GSDME: variants seen among roughly 807,000 people sequenced by gnomAD.
GSDME encodes the protein gasdermin E.
In GSDME, 44 loss-of-function variants were observed where a neutral mutation model predicts 47.5. The ratio of observed to expected loss-of-function variants is 0.93; its 90% CI spans 0.73 to 1.19. The LOEUF (loss-of-function observed/expected upper bound fraction) is 1.19, where lower values mean the gene tolerates loss of function less well. Among genes scored for constraint, GSDME ranks in the 50% most tolerant of loss-of-function variants. The pLI, the probability that GSDME is intolerant of heterozygous loss-of-function variation, is 0.00. For missense variants in GSDME, 663 were observed against 604.2 expected (o/e 1.10, Z -1.02); for synonymous variants, 258 against 252.8 (o/e 1.02, Z -0.20).
chr7:24,707,203 A>G (rs990341547), intron 7 of GSDME: 3 of 411,834 alleles, frequency 7.3e-6, no homozygotes, highest in African/African-American at 6.3e-5. Context: ...CTTCCCTGGA[A>G]ACCATAAAGC....
the GSDME span, among the ~76,000 whole-genome samples, chr7:24,777,759 G>T: frequency 6.6e-6 from 1 of 152,212 alleles, no homozygotes; most frequent in South Asian, 2.1e-4. Flanking sequence ...AGGCACAGTG[G>T]CACGCACCTG....
At chr7:24,707,433 A>G (rs1789157703) in intron 7 of GSDME, 1 of 471,542 alleles carries the variant, frequency 2.1e-6, no homozygotes, top group Non-Finnish European at 4.4e-6. Flanking sequence ...CTGCTGCAAA[A>G]CACAACAGTG....
the GSDME span, among the ~76,000 whole-genome samples, chr7:24,769,230 T>C: frequency 6.6e-6 from 1 of 152,286 alleles, no homozygotes; most frequent in Admixed American, 6.5e-5. Flanking sequence ...ACAGGAACCA[T>C]TGCTTGCATG....
the GSDME span, among the ~76,000 whole-genome samples, chr7:24,792,552 G>A: frequency 6.6e-6 from 1 of 152,202 alleles, no homozygotes; most frequent in Non-Finnish European, 1.5e-5. Flanking sequence ...AATTGACTTG[G>A]TTATGTTAAT....
intron 3 of GSDME, among the ~76,000 whole-genome samples, chr7:24,737,762 A>G (rs188603041): frequency 2.2e-4 from 33 of 152,252 alleles, no homozygotes; most frequent in Admixed American, 1.2e-3. Context: ...AATGAATTCC[A>G]CAATACATTA....
the GSDME span, among the ~76,000 whole-genome samples, chr7:24,786,135 G>C: frequency 6.6e-6 from 1 of 152,102 alleles, no homozygotes; most frequent in Non-Finnish European, 1.5e-5. This position sits in a 1 kb window ranked among gnomAD's most constrained non-coding sequence, Gnocchi z 5.5. Flanking sequence ...ATGATAATCT[G>C]TCCATCTGCT....
chr7:24,707,647 A>G (rs1041644872), intron 7 of GSDME: 34 of 357,488 alleles, frequency 9.5e-5, no homozygotes, highest in African/African-American at 7.0e-4. Flanking sequence ...CCCTAAATCC[A>G]ATGATGGTGT....
chr7:24,784,243 G>A, the GSDME span, among the ~76,000 whole-genome samples: 1 of 152,108 alleles, frequency 6.6e-6, no homozygotes, highest in South Asian at 2.1e-4. Flanking sequence ...TCTGCGGAGG[G>A]ACAGAACTAA....
intron 3 of GSDME, among the ~76,000 whole-genome samples, chr7:24,720,706 G>A (rs1389005933): frequency 3.9e-5 from 6 of 152,268 alleles, no homozygotes; most frequent in African/African-American, 7.2e-5. Context: ...ACCTGAGGTC[G>A]GGAGTTCGAG....
At chr7:24,710,110 T>C (rs1789286285) in intron 6 of GSDME, 114 bp downstream of exon 6, 2 of 1,186,352 alleles carry the variant, frequency 1.7e-6, no homozygotes, top group East Asian at 4.7e-5. Flanking sequence ...TCTCTTCTCA[T>C]ATGTTTTCTG....
rs1413759879 is a variant in GSDME at position 24,744,319 on chromosome 7, A to G, written c.404+243T>C. On this transcript the variant is annotated intron_variant, in intron 3 of 9. Transcript: ENST00000645220. The surrounding 1 kb of genome is among the most constrained non-coding windows in gnomAD (Gnocchi z 4.5). ...TAAATCATGTGATTGAAGGAAGTAC[A>G]TATTTGCCTGAAGTAACATCCTTTG... 2.0e-5 allele frequency: 11 copies of G among 557,278 alleles called. No homozygotes were observed. Among genetic ancestry groups the G allele is most frequent in the Non-Finnish European group, 3.5e-5 (11 of 310,662 alleles). The allele number at this position is 557,278 out of a possible 1,614,324, so 34.5% of individuals were successfully genotyped here. A position where few individuals can be genotyped will look rare whatever the true frequency, so the allele number is the denominator to read the frequency against.
At chr7:24,763,657 G>A in the GSDME span, among the ~76,000 whole-genome samples, 2 of 152,284 alleles carry the variant, frequency 1.3e-5, no homozygotes, top group East Asian at 3.9e-4. This position sits in a 1 kb window ranked among gnomAD's most constrained non-coding sequence, Gnocchi z 4.3. Context: ...ACTGATAGTG[G>A]GTAACTGAAA....
At chr7:24,759,112 A>T (rs1031404582), upstream of GSDME, among the ~76,000 whole-genome samples, 2 of 152,156 alleles carry the variant, frequency 1.3e-5, no homozygotes, top group African/African-American at 2.4e-5. Context: ...ATGTGATGAG[A>T]TGTTGGACGA....
At chr7:24,707,255 AAAC>A (rs1774606843) in intron 7 of GSDME, 1 of 466,708 alleles carries the variant, frequency 2.1e-6, no homozygotes, top group Admixed American at 2.4e-5. Flanking sequence ...TATAATAGAA[AAAC>A]AAAAGAACAA....
intron 2 of GSDME, among the ~76,000 whole-genome samples, chr7:24,747,248 A>G (rs74642946): frequency 0.13 from 20,291 of 152,246 alleles, 1,444 homozygotes; most frequent in Middle Eastern, 0.21. Context: ...AGATTCCTGA[A>G]GGGGAGGGTG....
intron 7 of GSDME, chr7:24,707,639 C>T (rs1789167333): frequency 2.8e-6 from 1 of 354,142 alleles, no homozygotes; most frequent in African/African-American, 2.1e-5. Flanking sequence ...GGGGTGGGCC[C>T]TAAATCCAAT....
intron 3 of GSDME, among the ~76,000 whole-genome samples, chr7:24,723,348 G>T (rs908837274): frequency 1.3e-5 from 2 of 152,070 alleles, no homozygotes; most frequent in Non-Finnish European, 2.9e-5. Flanking sequence ...CCCTGGGGAC[G>T]GTGTTCTCAG....
At chr7:24,702,360 CCCTGGCAAATCTG>C in intron 9 of GSDME, 1 of 349,954 alleles carries the variant, frequency 2.9e-6, no homozygotes, top group Non-Finnish European at 5.6e-6. Context: ...CTGGATACCT[CCCTGGCAAATCTG>C]CTGCAGAGCT....
the GSDME span, among the ~76,000 whole-genome samples, chr7:24,785,547 A>G: frequency 6.6e-6 from 1 of 152,056 alleles, no homozygotes; most frequent in African/African-American, 2.4e-5. Context: ...CCTCCACCTC[A>G]TGGGTTCAAG....
Sources: gnomAD v4.1 joint callset for allele counts (sites outside exome capture counted in the v4.1 genomes callset) on GRCh38, gnomAD v4.1.1 for gene constraint, Gnocchi (gnomAD v3.1) non-coding constraint, MANE v1.5 for transcripts, NCBI Gene and HGNC (gene_info 2026-07-23, HGNC 2026-07-21) for gene names.